The following VWA8 variants were observed in gnomAD, a reference collection of about 807,000 sequenced individuals.
The protein encoded by VWA8 is von Willebrand factor A domain-containing protein 8.
VWA8 carries 221 observed loss-of-function variants against 241.5 expected under a neutral mutation model. That is an observed-to-expected ratio of 0.91 (90% CI 0.82 to 1.02). The LOEUF (loss-of-function observed/expected upper bound fraction) is 1.02, where lower values mean the gene tolerates loss of function less well. Ranked by LOEUF, VWA8 falls within the 50% of genes least tolerant of loss-of-function variation. VWA8 has a pLI of 0.00. For missense variants in VWA8, 2,322 were observed against 2,328.7 expected (o/e 1.00, Z 0.06); for synonymous variants, 852 against 827.1 (o/e 1.03, Z -0.52).
chr13:41,626,014 T>A (rs1200317138), intron 37 of VWA8, among the ~76,000 whole-genome samples: 1 of 114,382 alleles, frequency 8.7e-6, no homozygotes, highest in East Asian at 2.5e-4. Flanking sequence ...TTCTCACTCA[T>A]AGGTGGGAAT....
At chr13:41,622,488 G>A (rs2044663685) in intron 37 of VWA8, among the ~76,000 whole-genome samples, 1 of 152,128 alleles carries the variant, frequency 6.6e-6, no homozygotes, top group African/African-American at 2.4e-5. Flanking sequence ...TTCACTTAAA[G>A]GGATCAAAAA....
chr13:41,863,188 T>TATATATATATACACACACAC (rs1566485237), intron 12 of VWA8, among the ~76,000 whole-genome samples: 1 of 151,344 alleles, frequency 6.6e-6, no homozygotes, highest in African/African-American at 2.4e-5. Context: ...AAGACGGGTC[T>TATATATATATACACACACAC]AGCCTCCCAG....
Position 41,887,269 on chromosome 13 carries a change from A to G in VWA8, c.744T>C (p.Tyr248=). The G allele has an allele frequency of 6.2e-7, 1 of 1,613,890 alleles. No homozygotes were observed. The highest frequency in any genetic ancestry group is 8.5e-7 in the Non-Finnish European group (1 of 1,179,940). The change falls in exon 6 of 45, where the codon TAT becomes TAC. Residue 248 remains tyrosine, a synonymous_variant. Transcript: ENST00000379310. ...GAGGGGGGTCTAATGGATTCCCAGA[A>G]TACCTTGGCACTGGCAAGCCCAAGG... The part of the protein sequence containing the change: ...VIALGLPVPR[Y]SGNPLDPPLR...
chr13:41,703,354 A>G lies in VWA8; in HGVS notation c.3174T>C (p.Ser1058=), dbSNP rs2045262402. The change falls in exon 27 of 45, where the codon AGT becomes AGC. Residue 1058 remains serine, a synonymous_variant. Coordinates refer to ENST00000379310, the MANE Select transcript of VWA8 (RefSeq NM_015058.2). ...MGYWTIGQAR[S]GMQKLLCPVE... ...CTGGACACAAGAGTTTTTGCATCCC[A>G]CTTCTTGCCTGACCAATTGTCCAGT... The G allele has an allele frequency of 6.2e-7, 1 of 1,614,076 alleles. No individual in the cohort carries two copies. The highest frequency in any genetic ancestry group is 8.5e-7 in the Non-Finnish European group (1 of 1,179,970).
chr13:41,913,366 A>T (rs1165905374), intron 2 of VWA8, among the ~76,000 whole-genome samples: 1 of 152,230 alleles, frequency 6.6e-6, no homozygotes, highest in East Asian at 1.9e-4. Flanking sequence ...TTTACATTAG[A>T]TGTGGGTTAC....
At chr13:41,752,135 AAT>A (rs2045661023) in intron 21 of VWA8, among the ~76,000 whole-genome samples, 1 of 152,084 alleles carries the variant, frequency 6.6e-6, no homozygotes, top group Non-Finnish European at 1.5e-5. Context: ...TCTCATTGTC[AAT>A]ATGTTTGCTC....
At chr13:41,949,031 T>TAAAAAAAAAAAAAAAAAAAAAAAAAAACA (rs35506856) in intron 2 of VWA8, among the ~76,000 whole-genome samples, 10 of 63,388 alleles carry the variant, frequency 1.6e-4, no homozygotes, top group Non-Finnish European at 2.3e-4. Context: ...TCTACCATCA[T>TAAAAAAAAAAAAAAAAAAAAAAAAAAACA]AAAAAAAAAA....
At chr13:41,603,073 A>G (rs73181188) in intron 40 of VWA8, among the ~76,000 whole-genome samples, 17,897 of 152,024 alleles carry the variant, frequency 0.12, 1,369 homozygotes, top group South Asian at 0.24. Context: ...TGAAATAATT[A>G]CTCTCATTGA....
At chr13:41,753,397 G>A (rs1390404194) in intron 21 of VWA8, among the ~76,000 whole-genome samples, 1 of 152,034 alleles carries the variant, frequency 6.6e-6, no homozygotes, top group East Asian at 1.9e-4. Context: ...TTTAACCAAG[G>A]AGGAAATACA....
chr13:41,954,480 G>A (rs1197681345), intron 1 of VWA8, among the ~76,000 whole-genome samples: 1 of 152,032 alleles, frequency 6.6e-6, no homozygotes, highest in Non-Finnish European at 1.5e-5. Flanking sequence ...CACACCACTT[G>A]CCCTCTACAC....
At chr13:41,858,301 A>G (rs1259945748) in intron 12 of VWA8, among the ~76,000 whole-genome samples, 5 of 152,210 alleles carry the variant, frequency 3.3e-5, no homozygotes, top group African/African-American at 1.2e-4. Context: ...CGACAAAGCA[A>G]TATCATTATT....
At chr13:41,574,073 G>A (rs1460327274) in intron 43 of VWA8, among the ~76,000 whole-genome samples, 1 of 151,120 alleles carries the variant, frequency 6.6e-6, no homozygotes, top group African/African-American at 2.4e-5. Flanking sequence ...CATCTTATGT[G>A]CCCCACAAGC....
At chr13:41,601,969 T>C (rs1284227141) in intron 40 of VWA8, among the ~76,000 whole-genome samples, 2 of 152,078 alleles carry the variant, frequency 1.3e-5, no homozygotes, top group African/African-American at 4.8e-5. Context: ...TTGGATTACA[T>C]AGCAACCTCA....
rs978721515 is a variant in VWA8 at position 41,570,515 on chromosome 13, T to C, written c.5562A>G (p.Val1854=). The C allele has an allele frequency of 5.0e-6, 8 of 1,614,120 alleles. No individual in the cohort carries two copies. Among genetic ancestry groups the C allele is most frequent in the Non-Finnish European group, 5.9e-6 (7 of 1,180,044 alleles). Residue 1854 remains valine (V), a synonymous_variant, in exon 44 of 45, where the codon GTA becomes GTG. Coordinates refer to ENST00000379310, the MANE Select transcript of VWA8 (RefSeq NM_015058.2). The stretch of plus-strand genomic sequence containing the variant: ...AGCCAATAAAAATGGCAAAAGCATT[T>C]ACTTGAGGGTCTCTTGTGAGGATTT... ...FAQILTRDPQ[V]NAFAIFIGSL...
intron 21 of VWA8, among the ~76,000 whole-genome samples, chr13:41,742,963 G>C (rs1295905016): frequency 6.6e-6 from 1 of 152,202 alleles, no homozygotes; most frequent in Non-Finnish European, 1.5e-5. Flanking sequence ...TTTCTTAGAG[G>C]AAAACACTTT....
chr13:41,747,187 G>A (rs1409528729), intron 21 of VWA8, among the ~76,000 whole-genome samples: 1 of 152,144 alleles, frequency 6.6e-6, no homozygotes, highest in Non-Finnish European at 1.5e-5. Flanking sequence ...ATTACCTTGG[G>A]CAGTATGGCC....
intron 20 of VWA8, among the ~76,000 whole-genome samples, chr13:41,777,005 T>G (rs1868625093): frequency 6.6e-6 from 1 of 152,130 alleles, no homozygotes; most frequent in Admixed American, 6.5e-5. Context: ...ACCCTTAATT[T>G]AAGACCAATT....
At chr13:41,851,011 AT>A (rs1593816491) in intron 12 of VWA8, among the ~76,000 whole-genome samples, 1 of 152,338 alleles carries the variant, frequency 6.6e-6, no homozygotes, top group East Asian at 1.9e-4. Flanking sequence ...ATAGTTACAT[AT>A]TTTTTGTGGT....
At chr13:41,612,758 T>TA (rs1259420756) in intron 38 of VWA8, among the ~76,000 whole-genome samples, 1 of 152,182 alleles carries the variant, frequency 6.6e-6, no homozygotes, top group Non-Finnish European at 1.5e-5. Flanking sequence ...CAGTATAGTA[T>TA]AATACACTGC....
Sources: allele counts gnomAD v4.1 joint callset (sites outside exome capture counted in the v4.1 genomes callset), GRCh38; gene constraint gnomAD v4.1.1; transcripts MANE v1.5; gene names NCBI Gene and HGNC (gene_info 2026-07-23, HGNC 2026-07-21).